NT5DC1: variants seen among roughly 807,000 people sequenced by gnomAD.
NT5DC1 encodes the protein 5'-nucleotidase domain containing 1.
A neutral mutation model predicts 59.4 loss-of-function variants in NT5DC1; 42 were observed. The observed-to-expected ratio is 0.71, with a 90% CI of 0.55 to 0.92. NT5DC1 has a LOEUF of 0.92. NT5DC1 is among the 40% of genes least tolerant of loss of function. NT5DC1 has a pLI of 0.00. For missense variants in NT5DC1, 501 were observed against 537.1 expected, an observed-to-expected ratio of 0.93 and a Z score of 0.66; for synonymous variants, 172 against 188.1, an observed-to-expected ratio of 0.91 and a Z score of 0.70.
In NT5DC1 at chr6:116,121,405, T is replaced by C. The variant is rs780179251; in HGVS notation, c.529+3460T>C. On this transcript the variant is annotated intron_variant, in intron 6 of 11. Coordinates refer to ENST00000319550, the MANE Select transcript of NT5DC1 (RefSeq NM_152729.3). ...TTGGTCCCATTTCTCCCGGAAAACC[T>C]CTATCACCTTTGATGCCTGGCTGTC... The C allele has an allele frequency of 2.5e-5, 40 of 1,613,726 alleles. No individual in the cohort carries two copies. The highest frequency in any genetic ancestry group is 3.4e-5 in the Non-Finnish European group (40 of 1,179,944).
intron 6 of NT5DC1, among the ~76,000 whole-genome samples, chr6:116,193,488 AC>A (rs1220269611): frequency 6.6e-5 from 10 of 152,082 alleles, no homozygotes; most frequent in Non-Finnish European, 1.0e-4. Flanking sequence ...TGTTTCTCTA[AC>A]TTTAAGTTAC....
chr6:116,122,265 A>G (rs1310262539), intron 6 of NT5DC1, among the ~76,000 whole-genome samples: 1 of 152,198 alleles, frequency 6.6e-6, no homozygotes, highest in Non-Finnish European at 1.5e-5. Flanking sequence ...TAAATTTAGT[A>G]CATTTATTTT....
At position 116,238,366 on chromosome 6, in the gene NT5DC1, C is replaced by T. The variant is rs1429316326; in HGVS notation, c.1083+18C>T. On this transcript the variant is annotated intron_variant, in intron 10 of 11. Coordinates refer to ENST00000319550, the MANE Select transcript of NT5DC1 (RefSeq NM_152729.3). ...AATATGAGGTAAGGGTTCCCTGCAG[C>T]TCTTTCCTTGAAAGACAAATATTTA... 3 of 1,528,194 alleles carry T rather than the reference C, an allele frequency of 2.0e-6. No homozygotes were observed. Among genetic ancestry groups the T allele is most frequent in the South Asian group, 2.6e-5 (2 of 77,420 alleles). The allele number at this position is 1,528,194 out of a possible 1,614,324, so 94.7% of individuals were successfully genotyped here.
At chr6:116,222,404 G>T (rs1263438623) in intron 7 of NT5DC1, among the ~76,000 whole-genome samples, 1 of 152,120 alleles carries the variant, frequency 6.6e-6, no homozygotes, top group Non-Finnish European at 1.5e-5. Context: ...GGTAAATACT[G>T]TTTCCCCCAT....
chr6:116,169,751 T>C (rs1780563826), intron 6 of NT5DC1, among the ~76,000 whole-genome samples: 1 of 152,202 alleles, frequency 6.6e-6, no homozygotes, highest in African/African-American at 2.4e-5. Flanking sequence ...AGGAGATGTG[T>C]GGACAATTGG....
At chr6:116,232,736 TA>T (rs1782041981) in intron 8 of NT5DC1, among the ~76,000 whole-genome samples, 1 of 152,184 alleles carries the variant, frequency 6.6e-6, no homozygotes, top group African/African-American at 2.4e-5. Flanking sequence ...GTCCCATATC[TA>T]CTTTGTAACT....
intron 1 of NT5DC1, among the ~76,000 whole-genome samples, chr6:116,102,689 C>T (rs1778684157): frequency 6.6e-6 from 1 of 152,134 alleles, no homozygotes; most frequent in Admixed American, 6.5e-5. Context: ...AAAACAGTAA[C>T]CTATTGAGTT....
chr6:116,218,248 C>T (rs1781724277), intron 6 of NT5DC1, among the ~76,000 whole-genome samples: 1 of 151,832 alleles, frequency 6.6e-6, no homozygotes, highest in Admixed American at 6.6e-5. Context: ...TATTTTTATT[C>T]CTTTGGAAAT....
At chr6:116,193,068 TCC>T (rs1182724898) in intron 6 of NT5DC1, among the ~76,000 whole-genome samples, 3 of 152,118 alleles carry the variant, frequency 2.0e-5, no homozygotes, top group Non-Finnish European at 4.4e-5. Context: ...ACAGAATAGC[TCC>T]GTGCCTTACA....
At chr6:116,163,446 T>C (rs1220749307) in intron 6 of NT5DC1, among the ~76,000 whole-genome samples, 1 of 152,058 alleles carries the variant, frequency 6.6e-6, no homozygotes, top group Non-Finnish European at 1.5e-5. Context: ...ATGTTTCGTA[T>C]TTCTGTGGTA....
intron 6 of NT5DC1, among the ~76,000 whole-genome samples, chr6:116,181,188 T>G (rs1476283600): frequency 6.6e-6 from 1 of 152,038 alleles, no homozygotes; most frequent in African/African-American, 2.4e-5. Flanking sequence ...GTTACATGTG[T>G]CTGAAAATTT....
chr6:116,143,802 A>G (rs1019360552), intron 6 of NT5DC1, among the ~76,000 whole-genome samples: 11 of 152,224 alleles, frequency 7.2e-5, no homozygotes, highest in African/African-American at 2.7e-4. Flanking sequence ...ATTTTATTAT[A>G]ATCAAATCAA....
chr6:116,195,687 G>C (rs143992208), intron 6 of NT5DC1, among the ~76,000 whole-genome samples: 2,847 of 152,108 alleles, frequency 0.019, 41 homozygotes, highest in Middle Eastern at 0.027. Context: ...CACATCTTTA[G>C]AATATGGTAG....
At chr6:116,219,987 AC>A (rs1781765025) in intron 6 of NT5DC1, among the ~76,000 whole-genome samples, 3 of 136,378 alleles carry the variant, frequency 2.2e-5, no homozygotes, top group South Asian at 2.2e-4. Context: ...AAAAAAAACA[AC>A]TCTTCTTCCT....
chr6:116,108,034 C>T (rs1038810632), intron 2 of NT5DC1, among the ~76,000 whole-genome samples: 3 of 152,018 alleles, frequency 2.0e-5, no homozygotes, highest in African/African-American at 7.2e-5. Context: ...TAGTGGAAAA[C>T]ATTTGTACAT....
intron 6 of NT5DC1, among the ~76,000 whole-genome samples, chr6:116,144,338 T>TA (rs1311846555): frequency 6.6e-6 from 1 of 152,004 alleles, no homozygotes; most frequent in Non-Finnish European, 1.5e-5. Context: ...CTGTCTCTAC[T>TA]AAAATACAAA....
intron 11 of NT5DC1, among the ~76,000 whole-genome samples, chr6:116,240,672 A>G (rs1771694698): frequency 6.6e-6 from 1 of 152,254 alleles, no homozygotes; most frequent in South Asian, 2.1e-4. Context: ...AATGCCAAAG[A>G]TAATTAAATA....
At chr6:116,139,171 A>G (rs1014172265) in intron 6 of NT5DC1, among the ~76,000 whole-genome samples, 5 of 152,168 alleles carry the variant, frequency 3.3e-5, no homozygotes, top group Non-Finnish European at 5.9e-5. Context: ...ATATTGGGGG[A>G]AAATGTTAAG....
intron 6 of NT5DC1, among the ~76,000 whole-genome samples, chr6:116,149,792 A>C (rs1779990481): frequency 6.6e-6 from 1 of 152,240 alleles, no homozygotes; most frequent in Non-Finnish European, 1.5e-5. Context: ...GACAGCTTGA[A>C]GATTCAAATA....
Sources: allele counts gnomAD v4.1 joint callset (sites outside exome capture counted in the v4.1 genomes callset), GRCh38; gene constraint gnomAD v4.1.1; transcripts MANE v1.5; gene names NCBI Gene and HGNC (gene_info 2026-07-23, HGNC 2026-07-21).